Variants in COTL1 observed in about 807,000 individuals in gnomAD.
COTL1 encodes the protein coactosin-like protein.
A neutral mutation model predicts 16.5 loss-of-function variants in COTL1; 15 were observed. That is an observed-to-expected ratio of 0.91 (90% confidence interval 0.61 to 1.40). The LOEUF is 1.40. COTL1 is among the 40% of genes most tolerant of loss of function. The pLI is 0.00. For synonymous variants in COTL1, 112 were observed against 85.3 expected (o/e 1.31, Z -1.73); for missense variants, 220 against 201.5 (o/e 1.09, Z -0.56).
chr16:84,598,531 A>C (rs1455692389), intron 2 of COTL1, among the ~76,000 whole-genome samples: 5 of 151,918 alleles, frequency 3.3e-5, no homozygotes, highest in African/African-American at 1.2e-4. Context: ...TGGCTGTTAC[A>C]TGCTCTTTTC....
intron 3 of COTL1, among the ~76,000 whole-genome samples, chr16:84,585,527 T>C (rs1429451753): frequency 6.6e-6 from 1 of 152,154 alleles, no homozygotes; most frequent in South Asian, 2.1e-4. Context: ...TAAAAGCCAA[T>C]CTACTTCTTC....
chr16:84,614,649 G>A (rs185038198), intron 2 of COTL1, among the ~76,000 whole-genome samples: 1 of 152,280 alleles, frequency 6.6e-6, no homozygotes, highest in African/African-American at 2.4e-5. Flanking sequence ...GAAACTGGGT[G>A]CTGTTTCTGG....
chr16:84,604,743 G>A (rs1454413685), intron 2 of COTL1, among the ~76,000 whole-genome samples: 2 of 152,214 alleles, frequency 1.3e-5, no homozygotes, highest in Non-Finnish European at 2.9e-5. Flanking sequence ...GGTCACACAG[G>A]GGCCGCCAGG....
intron 2 of COTL1, among the ~76,000 whole-genome samples, chr16:84,592,133 A>AC (rs990134361): frequency 6.6e-6 from 1 of 152,104 alleles, no homozygotes; most frequent in African/African-American, 2.4e-5. Flanking sequence ...GGGGCAGAAC[A>AC]CCCCCAGTTG....
In COTL1 at chr16:84,581,691, G is replaced by A. The variant is rs148159893; in HGVS notation, c.318+8414C>T. Among the ~76,000 whole-genome samples the A allele has an allele frequency of 3.3e-5, 5 of 152,164 alleles. No homozygotes were observed. The East Asian group carries it at 7.8e-4, about 24-fold the overall frequency. On this transcript the variant is annotated intron_variant, in intron 3 of 3. Transcript: ENST00000262428. ...GCCTAATTTTTGTATTTTTAGTAGA[G>A]ATGAGAGTTCCCCATGTTGGCCTGG...
intron 2 of COTL1, among the ~76,000 whole-genome samples, chr16:84,606,093 T>C (rs941139420): frequency 1.3e-5 from 2 of 152,116 alleles, no homozygotes; most frequent in Non-Finnish European, 2.9e-5. Flanking sequence ...ACTCATGAAA[T>C]AAAATATTAA....
chr16:84,595,731 C>T (rs975240767), intron 2 of COTL1: 11 of 151,644 alleles, frequency 7.3e-5, no homozygotes, highest in Non-Finnish European at 7.4e-5. Flanking sequence ...TATGTGTGTG[C>T]GTATATATTT....
intron 2 of COTL1, among the ~76,000 whole-genome samples, chr16:84,614,940 T>G (rs1160255393): frequency 2.0e-5 from 3 of 152,088 alleles, no homozygotes; most frequent in Admixed American, 6.5e-5. Context: ...GCTGGGTGAA[T>G]GCAGGAAGCC....
intron 2 of COTL1, among the ~76,000 whole-genome samples, chr16:84,606,775 C>T (rs921237925): frequency 2.0e-5 from 3 of 152,234 alleles, no homozygotes; most frequent in Non-Finnish European, 4.4e-5. Context: ...GTGCCCCCGC[C>T]TCCCAGGGCT....
intron 2 of COTL1, among the ~76,000 whole-genome samples, chr16:84,607,610 T>C (rs1210520401): frequency 3.3e-5 from 5 of 152,062 alleles, no homozygotes; most frequent in Non-Finnish European, 5.9e-5. Context: ...ATCGTGTGTG[T>C]TGGGGACACA....
intron 3 of COTL1, among the ~76,000 whole-genome samples, chr16:84,583,139 A>C (rs949706763): frequency 9.9e-5 from 15 of 152,182 alleles, no homozygotes; most frequent in African/African-American, 2.7e-4. Context: ...CGGGGCTCTG[A>C]GCCCACAGCC....
intron 3 of COTL1, 32 bp from the exon 4 acceptor site, chr16:84,566,987 A>C: frequency 6.6e-7 from 1 of 1,511,956 alleles, no homozygotes; most frequent in Non-Finnish European, 9.2e-7. Context: ...CAGCGTTCCT[A>C]TTAAGAAGGA....
chr16:84,596,330 C>G (rs1905004367), intron 2 of COTL1: 1 of 152,334 alleles, frequency 6.6e-6, no homozygotes, highest in Admixed American at 6.5e-5. Context: ...CATGTACTAG[C>G]CTTGTGACCC....
At chr16:84,616,813 G>A (rs937266778) in intron 2 of COTL1, among the ~76,000 whole-genome samples, 1 of 151,988 alleles carries the variant, frequency 6.6e-6, no homozygotes, top group Non-Finnish European at 1.5e-5. Context: ...TTTTCACGCG[G>A]GTACACACCT....
At chr16:84,578,734 C>A (rs1270387127) in intron 3 of COTL1, among the ~76,000 whole-genome samples, 1 of 151,774 alleles carries the variant, frequency 6.6e-6, no homozygotes, top group East Asian at 1.9e-4. Flanking sequence ...TGCACACACC[C>A]TCTCACACAC....
At chr16:84,581,211 C>T (rs1487879641) in intron 3 of COTL1, among the ~76,000 whole-genome samples, 1 of 97,386 alleles carries the variant, frequency 1.0e-5, no homozygotes, top group African/African-American at 4.9e-5. Context: ...ACAAGAAGTG[C>T]CCCCGGCCTG....
rs767152892 is a variant in COTL1 at position 84,590,344 on chromosome 16, C to T, written c.161-82G>A. The T allele has an allele frequency of 2.3e-5, 35 of 1,525,982 alleles. No homozygotes were observed. The highest frequency in any genetic ancestry group is 2.2e-4 in the South Asian group (18 of 81,678). 94.5% of individuals were successfully genotyped at this position (1,525,982 alleles called of 1,614,324 possible). A position where few individuals can be genotyped will look rare whatever the true frequency, so the allele number is the denominator to read the frequency against. ...GTCCCTGGGGAGAGGCTGTGAGCCA[C>T]GAGTGCGCCTGGAGCAGCACAGCAG... is the stretch of plus-strand genomic sequence containing the variant. On this transcript the variant is annotated intron_variant, in intron 2 of 3. Transcript: ENST00000262428. This position sits in a 1 kb window ranked among gnomAD's most constrained non-coding sequence, Gnocchi z 5.5.
chr16:84,612,912 G>A (rs1404128122), intron 2 of COTL1, among the ~76,000 whole-genome samples: 3 of 152,174 alleles, frequency 2.0e-5, no homozygotes, highest in African/African-American at 7.2e-5. Flanking sequence ...AGGCACAGAG[G>A]GAGGGAGGCA....
At chr16:84,606,468 T>C (rs1232434788) in intron 2 of COTL1, among the ~76,000 whole-genome samples, 1 of 152,262 alleles carries the variant, frequency 6.6e-6, no homozygotes, top group African/African-American at 2.4e-5. Context: ...GCTGACCTGG[T>C]TGCCCCACGG....
Sources: gnomAD v4.1 joint callset for allele counts (sites outside exome capture counted in the v4.1 genomes callset) on GRCh38, gnomAD v4.1.1 for gene constraint, Gnocchi (gnomAD v3.1) non-coding constraint, MANE v1.5 for transcripts, NCBI Gene and HGNC (gene_info 2026-07-23, HGNC 2026-07-21) for gene names.